The following SASH1 variants were observed in gnomAD, a reference collection of about 807,000 sequenced individuals.
SASH1 encodes SAM and SH3 domain-containing protein 1.
In SASH1, 44 loss-of-function variants were observed where a neutral mutation model predicts 125.2. The ratio of observed to expected loss-of-function variants is 0.35; its 90% CI spans 0.28 to 0.45. SASH1 has a LOEUF of 0.45. Ranked by LOEUF, SASH1 falls within the 20% of genes least tolerant of loss-of-function variation. The pLI, the probability that SASH1 is intolerant of heterozygous loss-of-function variation, is 1.00. For synonymous variants in SASH1, 639 were observed against 649.1 expected, an observed-to-expected ratio of 0.98 and a Z score of 0.24; for missense variants, 1,426 against 1,614.5, an observed-to-expected ratio of 0.88 and a Z score of 2.00.
intron 1 of SASH1, among the ~76,000 whole-genome samples, chr6:148,334,815 GA>G (rs1357900201): frequency 3.0e-5 from 4 of 133,770 alleles, no homozygotes; most frequent in East Asian, 2.2e-4. Flanking sequence ...CCATCTCAGG[GA>G]AAAAAAAATT....
At chr6:148,318,090 C>T (rs192847236) in intron 1 of SASH1, among the ~76,000 whole-genome samples, 34 of 152,322 alleles carry the variant, frequency 2.2e-4, no homozygotes, top group African/African-American at 7.0e-4. Context: ...GCACTAGTAT[C>T]GTGGCCCTCA....
the SASH1 span, among the ~76,000 whole-genome samples, chr6:148,255,568 C>T: frequency 2.0e-5 from 3 of 152,134 alleles, no homozygotes; most frequent in Non-Finnish European, 4.4e-5. Context: ...CATGACTGGA[C>T]TTGGTTGAGT....
chr6:148,351,191 GTTTTTTTT>G (rs67285564), intron 1 of SASH1, among the ~76,000 whole-genome samples: 4 of 102,154 alleles, frequency 3.9e-5, no homozygotes, highest in Non-Finnish European at 8.1e-5. Context: ...TGCGATAGTA[GTTTTTTTT>G]TTTTTTTTTT....
At chr6:148,484,692 G>A (rs971972130) in intron 7 of SASH1, among the ~76,000 whole-genome samples, 2 of 151,902 alleles carry the variant, frequency 1.3e-5, no homozygotes, top group African/African-American at 4.8e-5. Flanking sequence ...TCTAATCTCA[G>A]CACTTTGAGA....
upstream of SASH1, among the ~76,000 whole-genome samples, chr6:148,341,250 A>C (rs1582987426): frequency 6.7e-6 from 1 of 150,048 alleles, no homozygotes; most frequent in East Asian, 2.0e-4. Context: ...GGTTCAAGCT[A>C]TTCTCCTGCC....
rs1328119521 is a variant in SASH1, at chr6:148,421,114, AAAGAAAGG to A, written c.286-19058_286-19051del. ...AAAGAAAAGAAAAGAAAAGAAAGGA[AAAGAAAGG>A]AAGAAAGGAAGGAAGGAAGGAAGGA... On this transcript the variant is annotated intron_variant, in intron 2 of 19. Coordinates refer to ENST00000367467, the MANE Select transcript of SASH1 (RefSeq NM_015278.5). Among the ~76,000 whole-genome samples the A allele has an allele frequency of 3.2e-5, 3 of 92,642 alleles. 1 individual carries two copies. Among genetic ancestry groups the A allele is most frequent in the East Asian group, 6.3e-4 (2 of 3,158 alleles). The allele number at this position is 92,642 out of a possible 152,430, so 60.8% of individuals were successfully genotyped here.
rs1363527496 is a variant in SASH1, at chr6:148,390,199, C to T, written c.222C>T (p.Phe74=). 6.2e-7 allele frequency: 1 copy of T among 1,613,512 alleles called. No homozygotes were observed. Among genetic ancestry groups the T allele is most frequent in the East Asian group, 2.2e-5 (1 of 44,864 alleles). ...QQYADYYNTC[F]SDVCERMEEL... The stretch of plus-strand genomic sequence containing the variant: ...ATGCAGATTATTACAACACCTGTTT[C>T]TCCGACGTGTGCGAGAGGATGGAGG... Residue 74 remains phenylalanine (F), a synonymous_variant, in exon 2 of 20, where the codon TTC becomes TTT. Transcript: ENST00000367467.
intron 4 of SASH1, among the ~76,000 whole-genome samples, chr6:148,463,444 G>A (rs1255167814): frequency 5.3e-5 from 8 of 152,136 alleles, no homozygotes; most frequent in Admixed American, 3.9e-4. Context: ...GCCCAGCTGC[G>A]ATATAATTTT....
At chr6:148,493,243 T>G (rs2115235715) in intron 8 of SASH1, among the ~76,000 whole-genome samples, 2 of 152,330 alleles carry the variant, frequency 1.3e-5, no homozygotes, top group Non-Finnish European at 2.9e-5. Flanking sequence ...TTGCTTGAAC[T>G]TGATTGTAAT....
chr6:148,361,990 T>G (rs1322489530), intron 1 of SASH1, among the ~76,000 whole-genome samples: 5 of 147,012 alleles, frequency 3.4e-5, no homozygotes, highest in Non-Finnish European at 1.5e-5. Flanking sequence ...CTCGGCTCAC[T>G]GCAAGCTCCG....
At chr6:148,496,002 A>ATT (rs552373682) in intron 8 of SASH1, among the ~76,000 whole-genome samples, 2 of 142,466 alleles carry the variant, frequency 1.4e-5, no homozygotes, top group African/African-American at 2.6e-5. Context: ...CGCCTGGCTA[A>ATT]TTTTTTTTTT....
the SASH1 span, among the ~76,000 whole-genome samples, chr6:148,205,673 TC>T: frequency 6.6e-6 from 1 of 152,046 alleles, no homozygotes; most frequent in African/African-American, 2.4e-5. Context: ...TGACCACCAC[TC>T]CCCAATCAAT....
intron 15 of SASH1, 50 bp from the exon 16 acceptor site, chr6:148,534,701 A>C (rs367752950): frequency 1.2e-4 from 186 of 1,599,844 alleles, no homozygotes; most frequent in Non-Finnish European, 1.5e-4. Context: ...CGGTGTTATC[A>C]TGTGTCTGGG....
At chr6:148,348,612 C>T (rs1286932118) in intron 1 of SASH1, among the ~76,000 whole-genome samples, 1 of 152,084 alleles carries the variant, frequency 6.6e-6, no homozygotes, top group African/African-American at 2.4e-5. Flanking sequence ...AGTATTCTTG[C>T]CCTCATTTTA....
At chr6:148,263,333 A>T in the SASH1 span, among the ~76,000 whole-genome samples, 1 of 152,216 alleles carries the variant, frequency 6.6e-6, no homozygotes, top group Non-Finnish European at 1.5e-5. Context: ...GTCCTGGGGA[A>T]GCAGAAGGCA....
the SASH1 span, among the ~76,000 whole-genome samples, chr6:148,231,418 C>A: frequency 6.6e-6 from 1 of 152,172 alleles, no homozygotes; most frequent in African/African-American, 2.4e-5. Flanking sequence ...GTGACTCCTC[C>A]AACTTTGTTC....
the SASH1 span, among the ~76,000 whole-genome samples, chr6:148,243,476 A>G: frequency 6.9e-6 from 1 of 144,546 alleles, no homozygotes. Flanking sequence ...AATAATAATA[A>G]TAATAGTAAA....
chr6:148,277,534 G>A (rs896113823), intron 1 of SASH1, among the ~76,000 whole-genome samples: 2 of 152,130 alleles, frequency 1.3e-5, no homozygotes, highest in Non-Finnish European at 2.9e-5. Flanking sequence ...AGCGTCAGAA[G>A]GACATTATCC....
chr6:148,510,184 A>C (rs1780037750), intron 8 of SASH1, among the ~76,000 whole-genome samples: 1 of 152,250 alleles, frequency 6.6e-6, no homozygotes, highest in South Asian at 2.1e-4. Context: ...TAGCCAAAGT[A>C]ATTAAAAGTT....
Sources: allele counts gnomAD v4.1 joint callset (sites outside exome capture counted in the v4.1 genomes callset), GRCh38; gene constraint gnomAD v4.1.1; transcripts MANE v1.5; gene names NCBI Gene and HGNC (gene_info 2026-07-23, HGNC 2026-07-21).